The following GPHN variants were observed in gnomAD, a reference collection of about 807,000 sequenced individuals.
GPHN encodes gephyrin.
A neutral mutation model predicts 95.5 loss-of-function variants in GPHN; 17 were observed. The ratio of observed to expected loss-of-function variants is 0.18; its 90% CI spans 0.12 to 0.27. GPHN has a LOEUF of 0.27. GPHN is among the 10% of genes least tolerant of loss of function. GPHN has a pLI of 1.00. For synonymous variants in GPHN, 320 were observed against 322.5 expected (o/e 0.99, Z 0.08); for missense variants, 660 against 978.1 (o/e 0.67, Z 4.34).
At chr14:67,200,112 G>A in the GPHN span, 1 of 1,044,920 alleles carries the variant, frequency 9.6e-7, no homozygotes, top group Non-Finnish European at 1.4e-6. Context: ...CAATGGGCAT[G>A]CCCCCCCGAA....
intron 9 of GPHN, among the ~76,000 whole-genome samples, chr14:67,015,726 T>C (rs2073270386): frequency 1.3e-5 from 2 of 151,948 alleles, no homozygotes; most frequent in Non-Finnish European, 1.5e-5. Flanking sequence ...AAAAATAACA[T>C]TGCTACTCTC....
the GPHN span, among the ~76,000 whole-genome samples, chr14:67,217,250 G>A: frequency 6.6e-6 from 1 of 151,200 alleles, no homozygotes; most frequent in South Asian, 2.1e-4. Flanking sequence ...GTTTCCATTT[G>A]CATCGAATAT....
the GPHN span, among the ~76,000 whole-genome samples, chr14:67,419,634 G>C: frequency 2.0e-5 from 3 of 152,096 alleles, no homozygotes; most frequent in African/African-American, 7.2e-5. Flanking sequence ...AGGCCGAGGC[G>C]GGCGGATCAT....
chr14:67,182,439 GTAAA>G (rs1315172794), downstream of GPHN, among the ~76,000 whole-genome samples: 5 of 152,106 alleles, frequency 3.3e-5, no homozygotes, highest in African/African-American at 9.7e-5. Context: ...TCAAGGGATG[GTAAA>G]TAAAGGCAAA....
At chr14:66,511,721 G>T (rs1301407731) in intron 1 of GPHN, among the ~76,000 whole-genome samples, 1 of 152,008 alleles carries the variant, frequency 6.6e-6, no homozygotes, top group Non-Finnish European at 1.5e-5. Flanking sequence ...GTTTATGAAA[G>T]AATAATGGTA....
At chr14:67,134,950 C>CT (rs2079966122) in intron 17 of GPHN, among the ~76,000 whole-genome samples, 21 of 48,948 alleles carry the variant, frequency 4.3e-4, no homozygotes, top group African/African-American at 1.0e-3. Flanking sequence ...TTCTTTCTTT[C>CT]TTCTTTTTTT....
At chr14:67,353,510 T>C in the GPHN span, among the ~76,000 whole-genome samples, 64 of 152,096 alleles carry the variant, frequency 4.2e-4, no homozygotes, top group South Asian at 1.5e-3. Context: ...GTTTTTGAGA[T>C]GGAGTCTCAC....
At chr14:66,677,085 T>C (rs2066645528) in intron 1 of GPHN, among the ~76,000 whole-genome samples, 2 of 152,074 alleles carry the variant, frequency 1.3e-5, no homozygotes, top group Non-Finnish European at 2.9e-5. Context: ...CAGTTGTTCA[T>C]AATAATTTCT....
In GPHN at chr14:66,874,568, C is replaced by G. The variant is rs571475661; in HGVS notation, c.295-5371C>G. On this transcript the variant is annotated intron_variant, in intron 4 of 22. Coordinates refer to ENST00000478722, the MANE Select transcript of GPHN (RefSeq NM_020806.5). ...CAGTTTAGAGAAGAACATAAATGAC[C>G]TGATGTAGCTGAGAAACACAACACG... 1.5e-4 allele frequency among the ~76,000 whole-genome samples: 23 copies of G among 152,182 alleles called. 1 individual carries two copies. In the South Asian group the frequency reaches 2.9e-3, roughly 19 times the overall value.
intron 2 of GPHN, among the ~76,000 whole-genome samples, chr14:66,737,354 T>G (rs570486327): frequency 6.6e-6 from 1 of 152,180 alleles, no homozygotes; most frequent in Non-Finnish European, 1.5e-5. Context: ...GAAACCACTT[T>G]CAATTTTGGG....
At chr14:66,574,746 T>C (rs2060838214) in intron 1 of GPHN, among the ~76,000 whole-genome samples, 1 of 152,232 alleles carries the variant, frequency 6.6e-6, no homozygotes, top group Non-Finnish European at 1.5e-5. Flanking sequence ...GGCATCATCC[T>C]ATCGACCATG....
the GPHN span, among the ~76,000 whole-genome samples, chr14:67,411,395 C>T: frequency 1.3e-5 from 2 of 151,986 alleles, no homozygotes; most frequent in Non-Finnish European, 2.9e-5. Context: ...TCAGTTTCCC[C>T]GTCTGTAATA....
the GPHN span, among the ~76,000 whole-genome samples, chr14:67,664,025 G>C: frequency 1.3e-5 from 2 of 151,770 alleles, no homozygotes; most frequent in Non-Finnish European, 2.9e-5. Flanking sequence ...CCAAATGACT[G>C]TTCTCCCTGG....
intron 1 of GPHN, among the ~76,000 whole-genome samples, chr14:66,554,568 C>G (rs916965977): frequency 2.0e-5 from 3 of 152,126 alleles, no homozygotes; most frequent in African/African-American, 7.2e-5. Flanking sequence ...ACCATCAGAT[C>G]TCATAAGAAT....
At chr14:67,581,118 G>A in the GPHN span, 2 of 874,950 alleles carry the variant, frequency 2.3e-6, no homozygotes, top group Non-Finnish European at 3.9e-6. Context: ...CGACTAGACA[G>A]CCTATCCAGA....
chr14:67,316,983 C>T, the GPHN span: 1 of 1,110,322 alleles, frequency 9.0e-7, no homozygotes, highest in Non-Finnish European at 1.3e-6. Context: ...CATATTAGAA[C>T]CGTGAAGAAG....
chr14:66,990,716 T>TG (rs1290626760), intron 9 of GPHN, among the ~76,000 whole-genome samples: 2 of 152,124 alleles, frequency 1.3e-5, no homozygotes, highest in Admixed American at 1.3e-4. Flanking sequence ...ACAGATTATG[T>TG]GGCCCATAAA....
chr14:66,763,981 C>A (rs2058861566), intron 2 of GPHN, among the ~76,000 whole-genome samples: 1 of 152,168 alleles, frequency 6.6e-6, no homozygotes, highest in Non-Finnish European at 1.5e-5. Context: ...CACTGTCTCC[C>A]ATCACCCCCA....
At chr14:67,318,780 G>A in the GPHN span, among the ~76,000 whole-genome samples, 2 of 152,096 alleles carry the variant, frequency 1.3e-5, no homozygotes, top group Non-Finnish European at 2.9e-5. Context: ...ATATTAGGCC[G>A]GGCGCGGTGG....
Sources: gnomAD v4.1 joint callset for allele counts (sites outside exome capture counted in the v4.1 genomes callset) on GRCh38, gnomAD v4.1.1 for gene constraint, MANE v1.5 for transcripts, NCBI Gene and HGNC (gene_info 2026-07-23, HGNC 2026-07-21) for gene names.